The following ADARB2 variants were observed in gnomAD, a reference collection of about 807,000 sequenced individuals.
ADARB2 encodes inactive double-stranded RNA-specific editase B2.
A neutral mutation model predicts 62.2 loss-of-function variants in ADARB2; 25 were observed. That is an observed-to-expected ratio of 0.40 (90% confidence interval 0.29 to 0.56). The LOEUF (loss-of-function observed/expected upper bound fraction) is 0.56. ADARB2 is among the 20% of genes least tolerant of loss of function. ADARB2 has a pLI of 0.43. For missense variants in ADARB2, 1,071 were observed against 1,077.4 expected (o/e 0.99, Z 0.08); for synonymous variants, 572 against 500.8 (o/e 1.14, Z -1.90).
chr10:1,299,887 A>T (rs1433953305), intron 3 of ADARB2, among the ~76,000 whole-genome samples: 1 of 152,200 alleles, frequency 6.6e-6, no homozygotes, highest in Non-Finnish European at 1.5e-5. Flanking sequence ...CTCCAAGTGA[A>T]TAAAGTGCAG....
At chr10:1,724,460 G>C (rs1835137253) in intron 1 of ADARB2, among the ~76,000 whole-genome samples, 1 of 152,132 alleles carries the variant, frequency 6.6e-6, no homozygotes, top group African/African-American at 2.4e-5. Flanking sequence ...GATGCACCAA[G>C]CCCCCAAAAG....
chr10:1,201,621 G>A (rs773169583), intron 7 of ADARB2, among the ~76,000 whole-genome samples: 3 of 150,434 alleles, frequency 2.0e-5, no homozygotes, highest in African/African-American at 7.4e-5. Context: ...TCGGATGGTC[G>A]TAAGCCACAG....
At chr10:1,586,272 C>T (rs1833179670) in intron 1 of ADARB2, among the ~76,000 whole-genome samples, 1 of 152,216 alleles carries the variant, frequency 6.6e-6, no homozygotes, top group Non-Finnish European at 1.5e-5. Flanking sequence ...GTTCTTCTGA[C>T]CCCAGTCTTT....
intron 1 of ADARB2, among the ~76,000 whole-genome samples, chr10:1,450,764 G>T (rs2131901503): frequency 1.3e-5 from 2 of 152,354 alleles, no homozygotes; most frequent in East Asian, 3.9e-4. Context: ...GGCCCCTGGG[G>T]CTTTGGGGGC....
At chr10:1,224,837 T>G (rs1385249053) in intron 6 of ADARB2, among the ~76,000 whole-genome samples, 2 of 152,180 alleles carry the variant, frequency 1.3e-5, no homozygotes, top group Non-Finnish European at 2.9e-5. Context: ...TACTTCCAAT[T>G]ATGTGGTCAG....
rs1428863259 is a variant in ADARB2, at chr10:1,182,143, G to A, written c.*1050C>T. 6.6e-6 allele frequency: 1 copy of A among 152,210 alleles called. No individual in the cohort carries two copies. Among genetic ancestry groups the A allele is most frequent in the African/African-American group, 2.4e-5 (1 of 41,450 alleles). 9.4% of individuals were successfully genotyped at this position (152,210 alleles called of 1,614,324 possible). On this transcript the variant is annotated 3_prime_UTR_variant, in exon 10 of 10. Transcript: ENST00000381312. ...GGTAGCCTCTCAAGCTGAAGGTAAA[G>A]GTTGTTTTGATTTTATTTTGTGCTT...
intron 1 of ADARB2, among the ~76,000 whole-genome samples, chr10:1,673,619 A>G (rs1216157139): frequency 6.6e-6 from 1 of 152,238 alleles, no homozygotes; most frequent in Non-Finnish European, 1.5e-5. Flanking sequence ...TGGCAGGATG[A>G]GAGTGTGAAA....
intron 1 of ADARB2, among the ~76,000 whole-genome samples, chr10:1,411,122 C>T (rs1217851756): frequency 1.3e-5 from 2 of 152,208 alleles, no homozygotes; most frequent in Admixed American, 6.5e-5. Flanking sequence ...CATCCAGACA[C>T]GGCCTTAGCT....
chr10:1,273,211 C>T (rs1362234023), intron 3 of ADARB2, among the ~76,000 whole-genome samples: 1 of 152,158 alleles, frequency 6.6e-6, no homozygotes, highest in African/African-American at 2.4e-5. Context: ...ACCTGCTGCA[C>T]CCTCGTTTAC....
At chr10:1,642,844 T>C (rs1394917590) in intron 1 of ADARB2, among the ~76,000 whole-genome samples, 1 of 152,130 alleles carries the variant, frequency 6.6e-6, no homozygotes, top group African/African-American at 2.4e-5. Context: ...ACTCGCCCCT[T>C]GGCTGTGAAC....
At chr10:1,453,201 A>G (rs1831060312) in intron 1 of ADARB2, among the ~76,000 whole-genome samples, 1 of 152,226 alleles carries the variant, frequency 6.6e-6, no homozygotes, top group South Asian at 2.1e-4. Context: ...CTCCCCATGG[A>G]AAAACCAAGT....
intron 1 of ADARB2, among the ~76,000 whole-genome samples, chr10:1,710,833 C>G (rs1311808866): frequency 6.6e-6 from 1 of 152,082 alleles, no homozygotes; most frequent in Non-Finnish European, 1.5e-5. Context: ...CACTCCTTGT[C>G]TCATTTCTCA....
At chr10:1,612,872 T>C (rs1444243479) in intron 1 of ADARB2, among the ~76,000 whole-genome samples, 1 of 152,268 alleles carries the variant, frequency 6.6e-6, no homozygotes, top group Non-Finnish European at 1.5e-5. Context: ...ATCTTGAGGA[T>C]AAGTGTGCAG....
chr10:1,467,879 A>C (rs1490462988), intron 1 of ADARB2, among the ~76,000 whole-genome samples: 2 of 152,202 alleles, frequency 1.3e-5, no homozygotes, highest in Non-Finnish European at 2.9e-5. Context: ...CTGAAACGAA[A>C]GCCGTCTGTC....
rs201744764 is a variant in ADARB2, at chr10:1,568,610, G to T, written c.100+168441C>A. On this transcript the variant is annotated intron_variant, in intron 1 of 9. Coordinates refer to ENST00000381312, the MANE Select transcript of ADARB2 (RefSeq NM_018702.4). ...GAGGAAGGAGGAAAGGAGGGAGGGA[G>T]GGAGGAAGGAAGGAAGGAAAGAAAG... Among the ~76,000 whole-genome samples, 63 of 152,062 alleles carry T rather than the reference G, an allele frequency of 4.1e-4. No individual in the cohort carries two copies. In the East Asian group the frequency reaches 9.1e-3, roughly 22 times the overall value.
intron 1 of ADARB2, among the ~76,000 whole-genome samples, chr10:1,664,763 C>G (rs1054352074): frequency 6.6e-6 from 1 of 152,256 alleles, no homozygotes; most frequent in East Asian, 1.9e-4. Context: ...GACTCCCATG[C>G]GGCTGACTCT....
chr10:1,242,404 C>T, intron 4 of ADARB2, 105 bp from the exon 5 acceptor site: 1 of 1,377,490 alleles, frequency 7.3e-7, no homozygotes. Context: ...GGTTAGGAAA[C>T]CTTGGAAACA....
intron 1 of ADARB2, among the ~76,000 whole-genome samples, chr10:1,612,411 G>A (rs1318182584): frequency 6.6e-6 from 1 of 152,226 alleles, no homozygotes; most frequent in East Asian, 1.9e-4. Flanking sequence ...CAACGCCGGT[G>A]GGTCAAGCCT....
At chr10:1,513,790 G>A (rs184348107) in intron 1 of ADARB2, among the ~76,000 whole-genome samples, 10 of 152,312 alleles carry the variant, frequency 6.6e-5, no homozygotes, top group Admixed American at 1.3e-4. Flanking sequence ...ATGCTGGCTT[G>A]AAGTGATAGC....
Sources: allele counts gnomAD v4.1 joint callset (sites outside exome capture counted in the v4.1 genomes callset), GRCh38; gene constraint gnomAD v4.1.1; transcripts MANE v1.5; gene names NCBI Gene and HGNC (gene_info 2026-07-23, HGNC 2026-07-21).